TNRC6C: variants seen among roughly 807,000 people sequenced by gnomAD.
TNRC6C encodes trinucleotide repeat containing adaptor 6C.
Under a neutral mutation model 153.7 loss-of-function variants are expected in TNRC6C, and 20 were observed. The ratio of observed to expected loss-of-function variants is 0.13; its 90% CI spans 0.09 to 0.19. TNRC6C has a LOEUF of 0.19. TNRC6C is among the 10% of genes least tolerant of loss of function. The pLI is 1.00. For missense variants in TNRC6C, 1,987 were observed against 2,172.0 expected, an observed-to-expected ratio of 0.91 and a Z score of 1.69; for synonymous variants, 811 against 841.4, an observed-to-expected ratio of 0.96 and a Z score of 0.63.
At chr17:78,000,259 T>C (rs2071390208), upstream of TNRC6C, among the ~76,000 whole-genome samples, 1 of 152,198 alleles carries the variant, frequency 6.6e-6, no homozygotes, top group Non-Finnish European at 1.5e-5. Context: ...TCTGTTTCTT[T>C]CCATAGTCTA....
intron 7 of TNRC6C, 67 bp downstream of exon 9, chr17:78,073,161 G>T: frequency 7.2e-7 from 1 of 1,381,406 alleles, no homozygotes; most frequent in South Asian, 1.3e-5. Context: ...AGAAGCATTT[G>T]ATTGTAGTCA....
At chr17:78,105,984 T>C (rs927089931) in exon 20 of TNRC6C, 4 of 152,090 alleles carry the variant, frequency 2.6e-5, no homozygotes, top group Non-Finnish European at 4.4e-5. Flanking sequence ...AGCTTTTTAT[T>C]GTGGACTAAT....
At chr17:78,050,661 C>G in exon 3 of TNRC6C, 2 of 1,560,662 alleles carry the variant, frequency 1.3e-6, no homozygotes, top group Non-Finnish European at 1.7e-6. Context: ...CGCCAAGTGG[C>G]CCGGGGGTTT....
chr17:78,086,660 T>C (rs563672138), intron 12 of TNRC6C, 74 bp downstream of exon 14: 2 of 1,544,592 alleles, frequency 1.3e-6, no homozygotes, highest in East Asian at 2.3e-5. Context: ...ATTGATGAAC[T>C]ATTAGATGAT....
rs371048350 is a variant in TNRC6C, at chr17:78,083,607, C to G, written c.3477+441C>G. Among the ~76,000 whole-genome samples, 38 of 152,240 alleles carry G rather than the reference C, an allele frequency of 2.5e-4. No individual in the cohort carries two copies. In the East Asian group the frequency reaches 5.8e-3, roughly 23 times the overall value. On this transcript the variant is annotated intron_variant, in intron 11 of 19. Coordinates refer to ENST00000301624, the Ensembl canonical transcript of TNRC6C. ...CAGAGTTTCTGAGAACCACAGAACACAAAAAATCATTTGAGTGACTATTTT... is the reference window on the plus strand; with the variant it reads ...CAGAGTTTCTGAGAACCACAGAACAGAAAAAATCATTTGAGTGACTATTTT...
chr17:78,050,578 G>A lies in TNRC6C; in HGVS notation c.1516G>A (p.Val506Ile), dbSNP rs777076456. 6 of 1,602,776 alleles carry A rather than the reference G, an allele frequency of 3.7e-6. No individual in the cohort carries two copies. The South Asian group carries it at 6.7e-5, about 18-fold the overall frequency. Residue 506 changes from valine to isoleucine, a missense_variant, in exon 3 of 20, where the codon GTA becomes ATA. Transcript: ENST00000301624. ...CATGAACAGTACAAATACCTCTTCA[G>A]TATCTGGGTGGGTCAACGCGCCACC... is the stretch of plus-strand genomic sequence containing the variant.
chr17:78,089,452 T>A (rs1351567866), intron 13 of TNRC6C, among the ~76,000 whole-genome samples: 1 of 152,198 alleles, frequency 6.6e-6, no homozygotes, highest in Non-Finnish European at 1.5e-5. Context: ...ATTGCCTATC[T>A]TGTTGGCTCT....
At chr17:78,093,873 T>G (rs1339949211) in intron 16 of TNRC6C, 110 bp downstream of exon 18, 2 of 1,371,242 alleles carry the variant, frequency 1.5e-6, no homozygotes, top group East Asian at 2.4e-5. Context: ...AAGGCACAGT[T>G]GGCGGGCACC....
intron 1 of TNRC6C, among the ~76,000 whole-genome samples, chr17:77,964,013 C>T (rs1201084443): frequency 6.6e-6 from 1 of 152,156 alleles, no homozygotes; most frequent in Admixed American, 6.5e-5. Flanking sequence ...GCCCTAAGAC[C>T]CATATGATCA....
chr17:77,980,228 C>T (rs1169971724), intron 1 of TNRC6C, among the ~76,000 whole-genome samples: 1 of 152,202 alleles, frequency 6.6e-6, no homozygotes, highest in African/African-American at 2.4e-5. Flanking sequence ...CCATGGCACA[C>T]GTTTACCTGT....
chr17:78,034,336 C>A (rs1309173968), intron 2 of TNRC6C, among the ~76,000 whole-genome samples: 3 of 152,128 alleles, frequency 2.0e-5, no homozygotes, highest in African/African-American at 4.8e-5. Context: ...TGATTCCAGG[C>A]GTGAGCCACC....
chr17:78,047,071 C>G (rs974499807), intron 2 of TNRC6C, among the ~76,000 whole-genome samples: 18 of 152,096 alleles, frequency 1.2e-4, no homozygotes, highest in African/African-American at 3.6e-4. Context: ...GCAGTGAGTG[C>G]TGTCTTAGTC....
intron 2 of TNRC6C, among the ~76,000 whole-genome samples, chr17:78,036,986 A>G (rs1346070755): frequency 6.6e-6 from 1 of 152,158 alleles, no homozygotes; most frequent in Non-Finnish European, 1.5e-5. Flanking sequence ...TTATTTCATT[A>G]TTCTTTTTCT....
Position 78,067,749 on chromosome 17 carries a change from G to C in TNRC6C, c.2612-8G>C, listed in dbSNP as rs374842943. On this transcript the variant is annotated splice_polypyrimidine_tract_variant and splice_region_variant and intron_variant, in intron 4 of 19. Coordinates refer to ENST00000301624, the Ensembl canonical transcript of TNRC6C. ...AATTTGATAAGTTCATGTTTGCTCT[G>C]TTTCTAGCTTCAAAATCTATGCAAG... 26 of 1,603,314 alleles carry C rather than the reference G, an allele frequency of 1.6e-5. No homozygotes were observed. In the African/African-American group the frequency reaches 3.4e-4, roughly 21 times the overall value.
chr17:78,101,406 C>T (rs1358018704), intron 17 of TNRC6C, among the ~76,000 whole-genome samples: 5 of 152,222 alleles, frequency 3.3e-5, no homozygotes, highest in African/African-American at 1.2e-4. Flanking sequence ...TCCAAACTTT[C>T]CCACATTCTC....
intron 2 of TNRC6C, among the ~76,000 whole-genome samples, chr17:78,046,920 T>C (rs1290426234): frequency 1.3e-5 from 2 of 152,198 alleles, no homozygotes; most frequent in Non-Finnish European, 2.9e-5. Context: ...AAGTAGACCA[T>C]TAACAAAGGG....
chr17:77,968,811 G>A (rs2070918769), intron 1 of TNRC6C, among the ~76,000 whole-genome samples: 1 of 152,146 alleles, frequency 6.6e-6, no homozygotes, highest in Non-Finnish European at 1.5e-5. Flanking sequence ...TCAGCCTTTA[G>A]GAACACTCAC....
chr17:77,966,461 T>C (rs1365286009), intron 1 of TNRC6C, among the ~76,000 whole-genome samples: 1 of 152,182 alleles, frequency 6.6e-6, no homozygotes, highest in Non-Finnish European at 1.5e-5. Context: ...TAATACAAAA[T>C]GATTGACGTG....
exon 3 of TNRC6C, chr17:78,050,012 A>G: frequency 6.2e-7 from 1 of 1,613,730 alleles, no homozygotes; most frequent in Non-Finnish European, 8.5e-7. Context: ...GGCAGTGGCA[A>G]CAATGGCGTT....
Sources: allele counts gnomAD v4.1 joint callset (sites outside exome capture counted in the v4.1 genomes callset), GRCh38; gene constraint gnomAD v4.1.1; transcripts MANE v1.5; gene names NCBI Gene and HGNC (gene_info 2026-07-23, HGNC 2026-07-21).